Variants in FHIT observed in about 807,000 individuals in gnomAD.
FHIT encodes the protein bis(5'-adenosyl)-triphosphatase.
FHIT carries 19 observed loss-of-function variants against 17.9 expected under a neutral mutation model. That is an observed-to-expected ratio of 1.06 (90% CI 0.74 to 1.56). The LOEUF is 1.56. Among genes scored for constraint, FHIT ranks in the 40% most tolerant of loss-of-function variants. The probability of loss-of-function intolerance (pLI) is 0.00; values close to 1 mark genes in which losing one functional copy is unlikely to be tolerated. For missense variants in FHIT, 248 were observed against 189.2 expected, an observed-to-expected ratio of 1.31 and a Z score of -1.82; for synonymous variants, 81 against 69.7, an observed-to-expected ratio of 1.16 and a Z score of -0.81.
intron 7 of FHIT, among the ~76,000 whole-genome samples, chr3:59,974,942 T>C (rs1708344828): frequency 6.6e-6 from 1 of 152,152 alleles, no homozygotes; most frequent in South Asian, 2.1e-4. Context: ...ATTTTACTTA[T>C]ATTCAGTGCC....
At chr3:60,151,806 A>G (rs1386613308) in intron 5 of FHIT, among the ~76,000 whole-genome samples, 3 of 152,132 alleles carry the variant, frequency 2.0e-5, no homozygotes. Context: ...ATATCTTCAA[A>G]AAGTTTTTCC....
intron 8 of FHIT, among the ~76,000 whole-genome samples, chr3:59,820,849 C>T (rs777012935): frequency 1.2e-4 from 19 of 152,134 alleles, no homozygotes; most frequent in Non-Finnish European, 2.4e-4. Context: ...CAGGCAGAAG[C>T]ACAGAAGTTG....
chr3:60,555,712 T>C (rs1284745841), intron 4 of FHIT, among the ~76,000 whole-genome samples: 1 of 152,142 alleles, frequency 6.6e-6, no homozygotes. Flanking sequence ...TCAGAACTCT[T>C]AATTATTAGC....
At chr3:60,437,661 T>G (rs1375572937) in intron 5 of FHIT, among the ~76,000 whole-genome samples, 1 of 152,118 alleles carries the variant, frequency 6.6e-6, no homozygotes, top group Non-Finnish European at 1.5e-5. Context: ...GTTATTTATC[T>G]GTGGTCACAT....
At chr3:60,020,129 G>C (rs959561721) in intron 5 of FHIT, among the ~76,000 whole-genome samples, 1 of 152,140 alleles carries the variant, frequency 6.6e-6, no homozygotes, top group Admixed American at 6.5e-5. Flanking sequence ...GAACAAAGGG[G>C]GATGCTGCAA....
chr3:60,664,598 G>C (rs1694048400), intron 4 of FHIT, among the ~76,000 whole-genome samples: 1 of 151,316 alleles, frequency 6.6e-6, no homozygotes, highest in African/African-American at 2.4e-5. Flanking sequence ...GTGAAACAAT[G>C]TAGTCCTAGA....
chr3:61,096,472 A>C (rs1038448013), intron 2 of FHIT, among the ~76,000 whole-genome samples: 1 of 152,194 alleles, frequency 6.6e-6, no homozygotes, highest in Non-Finnish European at 1.5e-5. Flanking sequence ...CTCACCCTAT[A>C]ATAGTTGTTT....
intron 8 of FHIT, among the ~76,000 whole-genome samples, chr3:59,808,826 G>C (rs114902390): frequency 6.6e-6 from 1 of 152,158 alleles, no homozygotes; most frequent in Admixed American, 6.5e-5. Flanking sequence ...CTGCGGGGTA[G>C]AAACAATGTC....
At chr3:60,095,983 T>TA (rs972752374) in intron 5 of FHIT, among the ~76,000 whole-genome samples, 2 of 152,264 alleles carry the variant, frequency 1.3e-5, no homozygotes, top group African/African-American at 4.8e-5. Context: ...AAGGGAATCA[T>TA]AAAAAGACCA....
chr3:60,972,935 C>T (rs572485470), intron 3 of FHIT, among the ~76,000 whole-genome samples: 71 of 152,096 alleles, frequency 4.7e-4, no homozygotes, highest in Non-Finnish European at 8.5e-4. Flanking sequence ...ATCTAGATCT[C>T]TGGTGAAATT....
intron 5 of FHIT, among the ~76,000 whole-genome samples, chr3:60,254,733 T>C (rs1293680740): frequency 6.6e-6 from 1 of 152,134 alleles, no homozygotes; most frequent in Non-Finnish European, 1.5e-5. Context: ...TCCACTCCCC[T>C]ACCCAAAAAT....
chr3:59,975,805 G>A (rs1708383226), intron 7 of FHIT, among the ~76,000 whole-genome samples: 2 of 152,054 alleles, frequency 1.3e-5, no homozygotes, highest in South Asian at 4.1e-4. Context: ...TCTAGAACTG[G>A]CAACGAACTG....
chr3:60,602,934 T>C (rs1046852559), intron 4 of FHIT, among the ~76,000 whole-genome samples: 1 of 152,192 alleles, frequency 6.6e-6, no homozygotes, highest in African/African-American at 2.4e-5. Flanking sequence ...AATCTGCCGG[T>C]ACCTTGATCT....
intron 5 of FHIT, among the ~76,000 whole-genome samples, chr3:60,468,207 T>C (rs2032902825): frequency 6.6e-6 from 1 of 152,082 alleles, no homozygotes; most frequent in Non-Finnish European, 1.5e-5. Flanking sequence ...AAGTGTGTTC[T>C]TGCAGGCAAC....
At chr3:59,998,583 A>G (rs572066740) in intron 7 of FHIT, among the ~76,000 whole-genome samples, 2 of 152,188 alleles carry the variant, frequency 1.3e-5, no homozygotes, top group Admixed American at 6.5e-5. Flanking sequence ...TTTTGAATTG[A>G]TTTATTTCTA....
chr3:60,860,413 A>T (rs1424722740), intron 3 of FHIT, among the ~76,000 whole-genome samples: 3 of 142,750 alleles, frequency 2.1e-5, no homozygotes, highest in African/African-American at 7.6e-5. Flanking sequence ...GACATACATC[A>T]TATGTATATA....
At chr3:61,220,670 A>G (rs1248367743) in intron 1 of FHIT, among the ~76,000 whole-genome samples, 1 of 152,188 alleles carries the variant, frequency 6.6e-6, no homozygotes, top group Non-Finnish European at 1.5e-5. Context: ...TTAAATCTAC[A>G]TCTTCTAGAA....
In FHIT at chr3:60,359,996, T is replaced by C. The variant is rs1269225229; in HGVS notation, c.103+176864A>G. On this transcript the variant is annotated intron_variant, in intron 5 of 9. Transcript: ENST00000492590. The stretch of plus-strand genomic sequence containing the variant: ...ACATTCAAGACTTTTTTTTTTTTTT[T>C]CTTTTTTTTTTTTTCATTCTGTAAG... Among the ~76,000 whole-genome samples the C allele has an allele frequency of 2.1e-3, 287 of 139,304 alleles. 4 individuals carry two copies. The highest frequency in any genetic ancestry group is 0.019 in the South Asian group (82 of 4,400). The allele number at this position is 139,304 out of a possible 152,430, so 91.4% of individuals were successfully genotyped here. A position where few individuals can be genotyped will look rare whatever the true frequency, so the allele number is the denominator to read the frequency against.
chr3:60,530,356 T>G (rs748459985), intron 5 of FHIT, among the ~76,000 whole-genome samples: 2 of 152,196 alleles, frequency 1.3e-5, no homozygotes, highest in Non-Finnish European at 2.9e-5. Context: ...CACCTTCATT[T>G]TGAAGGGGCC....
Sources: gnomAD v4.1 joint callset for allele counts (sites outside exome capture counted in the v4.1 genomes callset) on GRCh38, gnomAD v4.1.1 for gene constraint, MANE v1.5 for transcripts, NCBI Gene and HGNC (gene_info 2026-07-23, HGNC 2026-07-21) for gene names.